DBNL: variants seen among roughly 807,000 people sequenced by gnomAD.
DBNL encodes the protein drebrin-like protein.
DBNL carries 35 observed loss-of-function variants against 62.2 expected under a neutral mutation model. That is an observed-to-expected ratio of 0.56 (90% CI 0.43 to 0.75). DBNL has a LOEUF of 0.75. DBNL is among the 30% of genes least tolerant of loss of function. DBNL has a pLI of 0.00. For synonymous variants in DBNL, 197 were observed against 218.0 expected, an observed-to-expected ratio of 0.90 and a Z score of 0.85; for missense variants, 495 against 578.4, an observed-to-expected ratio of 0.86 and a Z score of 1.48.
chr7:44,047,901 G>C (rs904578741), intron 1 of DBNL, among the ~76,000 whole-genome samples: 1 of 144,696 alleles, frequency 6.9e-6, no homozygotes, highest in Non-Finnish European at 1.5e-5. Context: ...TATATTAGCT[G>C]CTGAGTCCCT....
rs777139296 is a variant in DBNL, at chr7:44,065,496, C to T, written c.*4580C>T. On this transcript the variant is annotated 3_prime_UTR_variant, in exon 13 of 13. Coordinates refer to ENST00000448521, the MANE Select transcript of DBNL (RefSeq NM_001014436.3). ...TTCTCCTGGTTCCATGTGCTCTCGC[C>T]GTGCCGGACCATCACGAGGCGGTGA... 39 of 1,613,974 alleles carry T rather than the reference C, an allele frequency of 2.4e-5. No individual in the cohort carries two copies. Among genetic ancestry groups the T allele is most frequent in the Non-Finnish European group, 2.9e-5 (34 of 1,180,056 alleles).
intron 4 of DBNL, 133 bp downstream of exon 4, chr7:44,053,074 C>A: frequency 1.7e-6 from 2 of 1,194,556 alleles, no homozygotes; most frequent in African/African-American, 1.5e-5. Context: ...TCTCTGCCTG[C>A]CTTTGAGGGC....
At position 44,062,428 on chromosome 7, in the gene DBNL, T is replaced by G; in HGVS notation, c.*1512T>G. ...CCTGGGCTGTGGTCCTTGCTCCCCA[T>G]GGGGAGAGCTGGGTCACTTGGCCTC... On this transcript the variant is annotated 3_prime_UTR_variant, in exon 13 of 13. Transcript: ENST00000448521. The G allele has an allele frequency of 2.7e-6, 1 of 364,952 alleles. No homozygotes were observed. The highest frequency in any genetic ancestry group is 3.8e-5 in the Admixed American group (1 of 26,068). 22.6% of individuals were successfully genotyped at this position (364,952 alleles called of 1,614,324 possible).
In DBNL at chr7:44,060,004, G is replaced by T. The variant is rs750112889; in HGVS notation, c.1048-44G>T. ...ATGTGGGGCAGAGCAGCGATTGTGT[G>T]TAAGGGCTGAGTCTGGGGTAACACC... On this transcript the variant is annotated intron_variant, in intron 11 of 12. Transcript: ENST00000448521. The surrounding 1 kb of genome is among the most constrained non-coding windows in gnomAD (Gnocchi z 6.3). The T allele has an allele frequency of 3.8e-6, 6 of 1,583,318 alleles. No individual in the cohort carries two copies. In the East Asian group the frequency reaches 1.4e-4, roughly 36 times the overall value.
Position 44,064,810 on chromosome 7 carries a change from AGGCT to A in DBNL, c.*3895_*3898del. The A allele has an allele frequency of 1.6e-6, 1 of 610,340 alleles. No individual in the cohort carries two copies. The highest frequency in any genetic ancestry group is 4.6e-5 in the East Asian group (1 of 21,728). The allele number at this position is 610,340 out of a possible 1,614,324, so 37.8% of individuals were successfully genotyped here. ...GGGCTGCTGCCCACCCACCCTGCCC[AGGCT>A]CCTGAAGGTGGCCTCACCTTCCAGG... On this transcript the variant is annotated 3_prime_UTR_variant, in exon 13 of 13. Coordinates refer to ENST00000448521, the MANE Select transcript of DBNL (RefSeq NM_001014436.3).
chr7:44,062,555 T>G lies in DBNL; in HGVS notation c.*1639T>G. The G allele has an allele frequency of 1.7e-6, 1 of 596,686 alleles. No individual in the cohort carries two copies. The highest frequency in any genetic ancestry group is 4.5e-4 in the Middle Eastern group (1 of 2,202). 37.0% of individuals were successfully genotyped at this position (596,686 alleles called of 1,614,324 possible). A position where few individuals can be genotyped will look rare whatever the true frequency, so the allele number is the denominator to read the frequency against. On this transcript the variant is annotated 3_prime_UTR_variant, in exon 13 of 13. Transcript: ENST00000448521. ...TTGTCCTGACTGCAAACTCATGGAG[T>G]GGTTGCAGCCCTGGCTCAGTGTCCT...
chr7:44,062,364 C>A lies in DBNL; in HGVS notation c.*1448C>A. 3.6e-6 allele frequency: 1 copy of A among 278,612 alleles called. No homozygotes were observed. Among genetic ancestry groups the A allele is most frequent in the South Asian group, 3.7e-5 (1 of 26,928 alleles). The allele number at this position is 278,612 out of a possible 1,614,324, so 17.3% of individuals were successfully genotyped here. ...CGGGGGTTGCAAGGACAGCAGAGGA[C>A]CACCTGCCCTCTGCAGGAAGCTGTC... On this transcript the variant is annotated 3_prime_UTR_variant, in exon 13 of 13. Transcript: ENST00000448521.
At chr7:44,050,334 C>A in intron 2 of DBNL, 54 bp downstream of exon 2, 2 of 1,595,880 alleles carry the variant, frequency 1.3e-6, no homozygotes, top group Non-Finnish European at 1.7e-6. Context: ...AGGGTGACGA[C>A]GAGGGGTCAG....
At position 44,059,573 on chromosome 7, in the gene DBNL, C is replaced by G; in HGVS notation, c.962C>G (p.Thr321Ser). 6.2e-7 allele frequency: 1 copy of G among 1,612,844 alleles called. No individual in the cohort carries two copies. ...DLPAEEPAPS[T>S]PPCLVQAEEE... ...CCTGCTGAGGAGCCGGCGCCCAGCACTCCTCCATGTCTGGTGCAGGCAGAA... is the reference window on the plus strand; with the variant it reads ...CCTGCTGAGGAGCCGGCGCCCAGCAGTCCTCCATGTCTGGTGCAGGCAGAA... The change falls in exon 11 of 13, where the codon ACT becomes AGT. Residue 321 changes from threonine (T) to serine (S), a missense_variant. By Grantham distance (58) the Thr-to-Ser change is moderately conservative. Coordinates refer to ENST00000448521, the MANE Select transcript of DBNL (RefSeq NM_001014436.3). This position sits in a 1 kb window ranked among gnomAD's most constrained non-coding sequence, Gnocchi z 4.1.
chr7:44,047,660 T>C (rs1181984545), intron 1 of DBNL, among the ~76,000 whole-genome samples: 1 of 152,248 alleles, frequency 6.6e-6, no homozygotes. Flanking sequence ...TCAGTACTTA[T>C]TTTCAAAGGC....
chr7:44,065,368 G>C lies in DBNL; in HGVS notation c.*4452G>C. The C allele has an allele frequency of 6.2e-7, 1 of 1,613,994 alleles. No homozygotes were observed. Among genetic ancestry groups the C allele is most frequent in the Non-Finnish European group, 8.5e-7 (1 of 1,180,040 alleles). On this transcript the variant is annotated 3_prime_UTR_variant, in exon 13 of 13. Transcript: ENST00000448521. ...CCCGCTTCAGCACTGACGTGTAGCA[G>C]ATGTCAAACTCCATCTTGGCATCCT...
rs2096155822 is a variant in DBNL, at chr7:44,064,744, G to A, written c.*3828G>A. On this transcript the variant is annotated 3_prime_UTR_variant, in exon 13 of 13. Transcript: ENST00000448521. ...TGGAGCCCCACGCCTAGAAAGCCTG[G>A]TCCATGGGCGAGAGACTTTGCTGAG... 6 of 1,178,892 alleles carry A rather than the reference G, an allele frequency of 5.1e-6. No homozygotes were observed. The Admixed American group carries it at 9.9e-5, about 19-fold the overall frequency. 73.0% of individuals were successfully genotyped at this position (1,178,892 alleles called of 1,614,324 possible).
rs1323415318 is a variant in DBNL at position 44,056,746 on chromosome 7, T to C, written c.328-11T>C. 6.2e-7 allele frequency: 1 copy of C among 1,613,776 alleles called. No homozygotes were observed. Reference sequence around the variant, plus strand: ...GCAAAGCCCTTCTTTCAAGTGCTGCTCCTGCTGCAGGGGGCCCATGTGACC... The same window carrying C: ...GCAAAGCCCTTCTTTCAAGTGCTGCCCCTGCTGCAGGGGGCCCATGTGACC... On this transcript the variant is annotated splice_polypyrimidine_tract_variant and intron_variant, in intron 4 of 12. Transcript: ENST00000448521.
chr7:44,058,726 CTTT>C, intron 8 of DBNL, 173 bp from the exon 9 acceptor site: 2 of 861,458 alleles, frequency 2.3e-6, no homozygotes. Flanking sequence ...GTTTTACTTC[CTTT>C]TTTAACGTTA....
Position 44,050,230 on chromosome 7 carries a change from T to TGGG in DBNL, c.89_90insGGG (p.Leu30_Phe31insGly). 1 of 1,613,756 alleles carries TGGG rather than the reference T, an allele frequency of 6.2e-7. No homozygotes were observed. The highest frequency in any genetic ancestry group is 8.5e-7 in the Non-Finnish European group (1 of 1,179,686). ...TCACTTGTGTTTCGTTTCAGGGCTC[T>TGGG]CTTTACCTATGAAGGCAACAGCAAT... On this transcript the variant is annotated inframe_insertion, in exon 2 of 13. Coordinates refer to ENST00000448521, the MANE Select transcript of DBNL (RefSeq NM_001014436.3).
chr7:44,044,707 C>T lies in DBNL; in HGVS notation c.-31C>T. On this transcript the variant is annotated 5_prime_UTR_variant, in exon 1 of 13. Transcript: ENST00000448521. ...GCGGCCCGGCCCGGCCCGGAAGCTA[C>T]AGCAGCGGCGCGGAGACTGCGGGGC... The T allele has an allele frequency of 6.8e-7, 1 of 1,471,458 alleles. No individual in the cohort carries two copies. Among genetic ancestry groups the T allele is most frequent in the Non-Finnish European group, 9.0e-7 (1 of 1,113,044 alleles). The allele number at this position is 1,471,458 out of a possible 1,614,324, so 91.2% of individuals were successfully genotyped here.
intron 8 of DBNL, 95 bp downstream of exon 8, chr7:44,058,575 G>T (rs1431252889): frequency 2.4e-5 from 36 of 1,497,380 alleles, no homozygotes; most frequent in Non-Finnish European, 3.2e-5. Flanking sequence ...CCTGGGCAGA[G>T]GCTGCCCTGC....
In DBNL at chr7:44,051,709, C is replaced by G. The variant is rs368578033; in HGVS notation, c.140-121C>G. Reference sequence around the variant, plus strand: ...TTTTAAACATACCCCTAGAAAGATTCTGATACAGGTAGAGGTGAGAAGCCC... The same window carrying G: ...TTTTAAACATACCCCTAGAAAGATTGTGATACAGGTAGAGGTGAGAAGCCC... On this transcript the variant is annotated intron_variant, in intron 2 of 12. Transcript: ENST00000448521. 25 of 795,304 alleles carry G rather than the reference C, an allele frequency of 3.1e-5. No individual in the cohort carries two copies. In the African/African-American group the frequency reaches 4.0e-4, roughly 13 times the overall value. The allele number at this position is 795,304 out of a possible 1,614,324, so 49.3% of individuals were successfully genotyped here.
In DBNL at chr7:44,060,089, C is replaced by T. The variant is rs115264535; in HGVS notation, c.1089C>T (p.His363=). 3.1e-4 allele frequency: 498 copies of T among 1,613,774 alleles called. 1 individual carries two copies. The African/African-American group carries it at 5.6e-3, about 18-fold the overall frequency. Residue 363 remains histidine, a synonymous_variant, in exon 12 of 13, where the codon CAC becomes CAT. Transcript: ENST00000448521. This position sits in a 1 kb window ranked among gnomAD's most constrained non-coding sequence, Gnocchi z 6.3. ...QGAGSEHIDH[H]IQGQGLSGQG... is the part of the protein sequence containing the mutation. Reference sequence around the variant, plus strand: ...CTGGCTCTGAGCACATTGACCACCACATTCAGGGCCAGGGGCTCAGTGGGC... The same window carrying T: ...CTGGCTCTGAGCACATTGACCACCATATTCAGGGCCAGGGGCTCAGTGGGC...
Sources: gnomAD v4.1 joint callset for allele counts (sites outside exome capture counted in the v4.1 genomes callset) on GRCh38, gnomAD v4.1.1 for gene constraint, Gnocchi (gnomAD v3.1) non-coding constraint, MANE v1.5 for transcripts, NCBI Gene and HGNC (gene_info 2026-07-23, HGNC 2026-07-21) for gene names.